Variants in TTC7B observed in about 807,000 individuals in gnomAD.
TTC7B encodes tetratricopeptide repeat domain 7B.
A neutral mutation model predicts 106.8 loss-of-function variants in TTC7B; 28 were observed. The ratio of observed to expected loss-of-function variants is 0.26; its 90% CI spans 0.19 to 0.36. The LOEUF (loss-of-function observed/expected upper bound fraction) is 0.36, where lower values mean the gene tolerates loss of function less well. Ranked by LOEUF, TTC7B falls within the 10% of genes least tolerant of loss-of-function variation. The pLI is 1.00. For synonymous variants in TTC7B, 405 were observed against 430.6 expected (o/e 0.94, Z 0.74); for missense variants, 862 against 1,076.4 (o/e 0.80, Z 2.79).
Position 90,730,120 on chromosome 14 carries a change from A to G in TTC7B, c.653T>C (p.Leu218Pro), listed in dbSNP as rs1889269306. ...APHDQELGFF[L>P]ETGLQRAHVL... ...ATGGGCTCTCTGAAGTCCTGTTTCTAGGAAAAAACCTAGTTCTTGATCGTG... is the reference window on the plus strand; with the variant it reads ...ATGGGCTCTCTGAAGTCCTGTTTCTGGGAAAAAACCTAGTTCTTGATCGTG... The change falls in exon 5 of 20, where the codon CTA becomes CCA. Residue 218 changes from leucine to proline, a missense_variant. Leu to Pro is a moderately conservative substitution (Grantham distance 98). Transcript: ENST00000328459. 6.2e-7 allele frequency: 1 copy of G among 1,613,840 alleles called. No homozygotes were observed. Among genetic ancestry groups the G allele is most frequent in the Non-Finnish European group, 8.5e-7 (1 of 1,179,942 alleles).
intron 15 of TTC7B, among the ~76,000 whole-genome samples, chr14:90,639,004 G>GA (rs1885057985): frequency 6.6e-6 from 1 of 152,338 alleles, no homozygotes; most frequent in African/African-American, 2.4e-5. Flanking sequence ...ATCCTATGGG[G>GA]AAAATCACAT....
chr14:90,545,219 C>T (rs948548238), intron 19 of TTC7B, among the ~76,000 whole-genome samples: 1 of 152,196 alleles, frequency 6.6e-6, no homozygotes, highest in Non-Finnish European at 1.5e-5. Flanking sequence ...AAGAGGCAAG[C>T]CCCGGGCCAG....
chr14:90,644,300 T>C lies in TTC7B; in HGVS notation c.1591-92A>G, dbSNP rs964836200. ...ACACACGCGCGAAAGAAGCCATCTT[T>C]TCAATGTCTGCTTCTCTTCAAATAT... On this transcript the variant is annotated intron_variant, in intron 14 of 19. Transcript: ENST00000328459. 42 of 1,209,142 alleles carry C rather than the reference T, an allele frequency of 3.5e-5. No homozygotes were observed. In the African/African-American group the frequency reaches 4.7e-4, roughly 14 times the overall value. The allele number at this position is 1,209,142 out of a possible 1,614,324, so 74.9% of individuals were successfully genotyped here.
intron 15 of TTC7B, among the ~76,000 whole-genome samples, chr14:90,637,683 G>A (rs528927476): frequency 6.6e-6 from 1 of 152,204 alleles, no homozygotes; most frequent in Admixed American, 6.5e-5. Context: ...CTTATTCCAA[G>A]TATACAAGGT....
At chr14:90,555,111 C>T (rs1421327367) in intron 19 of TTC7B, among the ~76,000 whole-genome samples, 2 of 152,194 alleles carry the variant, frequency 1.3e-5, no homozygotes, top group Non-Finnish European at 1.5e-5. Context: ...GGTCTCTTTG[C>T]TCCATGGCAG....
intron 13 of TTC7B, among the ~76,000 whole-genome samples, chr14:90,650,469 G>A (rs1220392291): frequency 2.0e-5 from 3 of 152,294 alleles, no homozygotes; most frequent in East Asian, 1.9e-4. Context: ...CTGGGAAAAC[G>A]CTCAGTCCTC....
At chr14:90,705,683 C>T (rs1240304255) in intron 5 of TTC7B, among the ~76,000 whole-genome samples, 2 of 152,204 alleles carry the variant, frequency 1.3e-5, no homozygotes, top group African/African-American at 4.8e-5. Flanking sequence ...TCACCACATG[C>T]CAATGAACAG....
At chr14:90,728,057 C>T (rs937204301) in intron 5 of TTC7B, among the ~76,000 whole-genome samples, 14 of 152,304 alleles carry the variant, frequency 9.2e-5, no homozygotes, top group East Asian at 1.9e-4. Flanking sequence ...AACCTCCCAA[C>T]GGTTTTTCTC....
chr14:90,547,576 G>A (rs139012854), intron 19 of TTC7B, among the ~76,000 whole-genome samples: 321 of 152,310 alleles, frequency 2.1e-3, no homozygotes, highest in African/African-American at 6.8e-3. Flanking sequence ...CAGATGGATC[G>A]CTTGAGCCTG....
intron 18 of TTC7B, among the ~76,000 whole-genome samples, chr14:90,580,485 A>G (rs1669731347): frequency 6.6e-6 from 1 of 152,086 alleles, no homozygotes; most frequent in Non-Finnish European, 1.5e-5. Context: ...TGCAGCCCCC[A>G]CAGAGAACAG....
chr14:90,639,033 C>T (rs2139874194), intron 15 of TTC7B, among the ~76,000 whole-genome samples: 1 of 152,292 alleles, frequency 6.6e-6, no homozygotes, highest in East Asian at 1.9e-4. Flanking sequence ...TCATACCATA[C>T]ACACATAAAA....
intron 5 of TTC7B, among the ~76,000 whole-genome samples, chr14:90,703,219 G>A (rs556261502): frequency 8.5e-5 from 13 of 152,262 alleles, no homozygotes; most frequent in South Asian, 8.3e-4. Flanking sequence ...AACAATATTC[G>A]TTTTTAATAG....
intron 7 of TTC7B, among the ~76,000 whole-genome samples, chr14:90,688,547 C>T (rs1308667063): frequency 7.0e-6 from 1 of 142,048 alleles, no homozygotes; most frequent in Non-Finnish European, 1.5e-5. Flanking sequence ...CACTTGAACC[C>T]AGGAGGTGGA....
intron 3 of TTC7B, among the ~76,000 whole-genome samples, chr14:90,753,886 T>C (rs1890208166): frequency 6.6e-6 from 1 of 152,252 alleles, no homozygotes; most frequent in East Asian, 1.9e-4. Context: ...GGTCTTTCAA[T>C]GTCCCTTCCA....
intron 17 of TTC7B, among the ~76,000 whole-genome samples, chr14:90,607,313 C>T (rs992953209): frequency 3.3e-5 from 5 of 152,192 alleles, no homozygotes; most frequent in African/African-American, 1.2e-4. Flanking sequence ...AGTGGAAGTT[C>T]ACTGTGGCTG....
chr14:90,781,620 A>G (rs1891222880), intron 2 of TTC7B, among the ~76,000 whole-genome samples: 1 of 152,230 alleles, frequency 6.6e-6, no homozygotes, highest in African/African-American at 2.4e-5. Context: ...GGGTCTGGCC[A>G]TGGCACTGGA....
intron 3 of TTC7B, among the ~76,000 whole-genome samples, chr14:90,745,711 T>TC (rs2140003103): frequency 6.6e-6 from 1 of 151,708 alleles, no homozygotes; most frequent in East Asian, 1.9e-4. Context: ...GTTTTTCTTT[T>TC]TTTTTTTTTT....
At chr14:90,784,401 C>G (rs1487565386) in intron 2 of TTC7B, among the ~76,000 whole-genome samples, 1 of 151,850 alleles carries the variant, frequency 6.6e-6, no homozygotes, top group East Asian at 1.9e-4. Context: ...ACTAAAAATA[C>G]AAAAAATTAG....
intron 8 of TTC7B, among the ~76,000 whole-genome samples, chr14:90,680,263 T>A (rs769338152): frequency 2.7e-4 from 41 of 152,162 alleles, no homozygotes; most frequent in African/African-American, 9.7e-5. Flanking sequence ...AGCTCCAAGC[T>A]CCAGGCTAAC....
Sources: gnomAD v4.1 joint callset for allele counts (sites outside exome capture counted in the v4.1 genomes callset) on GRCh38, gnomAD v4.1.1 for gene constraint, MANE v1.5 for transcripts, NCBI Gene and HGNC (gene_info 2026-07-23, HGNC 2026-07-21) for gene names.